The following SUMF1 variants were observed in gnomAD, a reference collection of about 807,000 sequenced individuals.
SUMF1 encodes sulfatase modifying factor 1.
A neutral mutation model predicts 47.6 loss-of-function variants in SUMF1; 48 were observed. The observed-to-expected ratio is 1.01, with a 90% CI of 0.80 to 1.28. The LOEUF is 1.28. Ranked by LOEUF, SUMF1 falls within the 50% of genes most tolerant of loss-of-function variation. The pLI, the probability that SUMF1 is intolerant of heterozygous loss-of-function variation, is 0.00. For missense variants in SUMF1, 571 were observed against 485.4 expected, an observed-to-expected ratio of 1.18 and a Z score of -1.66; for synonymous variants, 230 against 192.1, an observed-to-expected ratio of 1.20 and a Z score of -1.63.
At chr3:4,344,878 G>A (rs557021760) in intron 8 of SUMF1, among the ~76,000 whole-genome samples, 13 of 152,132 alleles carry the variant, frequency 8.5e-5, no homozygotes, top group Non-Finnish European at 1.8e-4. Flanking sequence ...CAAGTACTTC[G>A]TGAAGCATAC....
At chr3:4,144,662 C>T (rs1181399520) in intron 8 of SUMF1, among the ~76,000 whole-genome samples, 1 of 152,072 alleles carries the variant, frequency 6.6e-6, no homozygotes. Flanking sequence ...CACAAATAAC[C>T]TGCTTTTTTC....
At position 4,410,700 on chromosome 3, in the gene SUMF1, G is replaced by T. The variant is rs377387920; in HGVS notation, c.954+165C>A. Among the ~76,000 whole-genome samples the T allele has an allele frequency of 8.7e-4, 133 of 152,318 alleles. 1 individual carries two copies. The highest frequency in any genetic ancestry group is 3.1e-3 in the African/African-American group (127 of 41,564). On this transcript the variant is annotated intron_variant, in intron 7 of 8. Coordinates refer to ENST00000272902, the MANE Select transcript of SUMF1 (RefSeq NM_182760.4). ...CACAGACATTTTTACAAAATGCTCT[G>T]AGGTTGAAATAAGAAACATGCGCTT...
intron 8 of SUMF1, among the ~76,000 whole-genome samples, chr3:4,212,584 T>C (rs73120052): frequency 6.6e-6 from 1 of 152,162 alleles, no homozygotes; most frequent in South Asian, 2.1e-4. Flanking sequence ...AGAAGTAAGC[T>C]TTAGAAGGTG....
chr3:4,063,681 C>CCTTT lies in SUMF1; in HGVS notation c.1191+4884_1191+4887dup, dbSNP rs569197445. Among the ~76,000 whole-genome samples the CCTTT allele has an allele frequency of 1.4e-4, 22 of 152,226 alleles. No individual in the cohort carries two copies. The South Asian group carries it at 4.4e-3, about 30-fold the overall frequency. ...AAACTGATATCACCAATAAAAGTCTCCTTTCTACTATTTAGCCATCCTGGT... is the reference window on the plus strand; with the variant it reads ...AAACTGATATCACCAATAAAAGTCTCCTTTCTTTCTACTATTTAGCCATCCTGGT... On this transcript the variant is annotated intron_variant and NMD_transcript_variant, in intron 9 of 12. Coordinates refer to the SUMF1 transcript ENST00000448413.
chr3:4,360,614 T>G (rs1021692907), downstream of SUMF1, among the ~76,000 whole-genome samples: 1 of 152,120 alleles, frequency 6.6e-6, no homozygotes, highest in African/African-American at 2.4e-5. Flanking sequence ...GTTACAGGTG[T>G]GAGCCACTGG....
intron 8 of SUMF1, among the ~76,000 whole-genome samples, chr3:4,287,488 G>A (rs910813122): frequency 1.3e-5 from 2 of 151,612 alleles, no homozygotes; most frequent in Non-Finnish European, 2.9e-5. Context: ...TCTAACTTTG[G>A]AATCAGATTG....
intron 8 of SUMF1, among the ~76,000 whole-genome samples, chr3:4,207,265 C>T (rs922048944): frequency 6.6e-6 from 1 of 152,036 alleles, no homozygotes; most frequent in Admixed American, 6.6e-5. Flanking sequence ...CAAATCATAT[C>T]GTCCATGAAT....
chr3:4,075,387 C>T (rs989133647), intron 8 of SUMF1, among the ~76,000 whole-genome samples: 6 of 151,916 alleles, frequency 3.9e-5, no homozygotes, highest in Admixed American at 3.3e-4. Context: ...AATATCACAC[C>T]AAATGGGCAA....
intron 8 of SUMF1, among the ~76,000 whole-genome samples, chr3:4,258,997 G>T (rs1260214709): frequency 6.7e-6 from 1 of 149,302 alleles, no homozygotes; most frequent in Non-Finnish European, 1.5e-5. Flanking sequence ...ATCATTCTCA[G>T]TAAACTATCG....
chr3:4,401,134 G>C (rs934286257), intron 7 of SUMF1, among the ~76,000 whole-genome samples: 2 of 151,964 alleles, frequency 1.3e-5, no homozygotes, highest in African/African-American at 4.8e-5. Context: ...TCCCTACAAA[G>C]GACATGAACT....
At chr3:4,169,080 G>C (rs1694774277) in intron 8 of SUMF1, among the ~76,000 whole-genome samples, 1 of 152,144 alleles carries the variant, frequency 6.6e-6, no homozygotes, top group African/African-American at 2.4e-5. Context: ...TTTTCCTGAA[G>C]TAAGGCAAAG....
chr3:4,073,809 C>T (rs1415330339), intron 8 of SUMF1, among the ~76,000 whole-genome samples: 8 of 152,100 alleles, frequency 5.3e-5, no homozygotes, highest in Admixed American at 3.9e-4. Flanking sequence ...TATACATGCA[C>T]CCAATACAGG....
intron 9 of SUMF1, among the ~76,000 whole-genome samples, chr3:4,040,380 T>G (rs1021741870): frequency 6.6e-6 from 1 of 152,166 alleles, no homozygotes; most frequent in Non-Finnish European, 1.5e-5. Flanking sequence ...CTTCATAATT[T>G]ATTCTTCCCC....
intron 8 of SUMF1, among the ~76,000 whole-genome samples, chr3:4,177,285 G>A (rs1314182559): frequency 6.6e-6 from 1 of 151,990 alleles, no homozygotes; most frequent in Non-Finnish European, 1.5e-5. Context: ...CCACATAATT[G>A]GAAGTAAAGC....
intron 8 of SUMF1, among the ~76,000 whole-genome samples, chr3:4,081,479 A>G (rs1299014229): frequency 6.6e-6 from 1 of 152,112 alleles, no homozygotes; most frequent in East Asian, 1.9e-4. Flanking sequence ...TTATACACCT[A>G]ACTTCTTTTA....
chr3:4,191,400 G>T (rs1695312071), intron 8 of SUMF1, among the ~76,000 whole-genome samples: 1 of 152,104 alleles, frequency 6.6e-6, no homozygotes, highest in African/African-American at 2.4e-5. Flanking sequence ...GGTACCAAAT[G>T]AAGAAGTAAA....
intron 8 of SUMF1, among the ~76,000 whole-genome samples, chr3:4,264,734 C>T (rs1403212542): frequency 2.0e-5 from 3 of 152,108 alleles, no homozygotes; most frequent in Admixed American, 1.3e-4. Flanking sequence ...GGAGGATAGC[C>T]TGGACTCTCT....
At chr3:4,247,719 A>G (rs2125004930) in intron 8 of SUMF1, among the ~76,000 whole-genome samples, 1 of 152,302 alleles carries the variant, frequency 6.6e-6, no homozygotes, top group African/African-American at 2.4e-5. Context: ...TGAGAACCCA[A>G]GGAAGAATAG....
At chr3:4,136,606 C>A (rs553403057) in intron 8 of SUMF1, among the ~76,000 whole-genome samples, 15 of 151,872 alleles carry the variant, frequency 9.9e-5, no homozygotes, top group African/African-American at 1.7e-4. Context: ...GCAACAAAAG[C>A]CAAAATTGAC....
Sources: gnomAD v4.1 joint callset for allele counts (sites outside exome capture counted in the v4.1 genomes callset) on GRCh38, gnomAD v4.1.1 for gene constraint, MANE v1.5 for transcripts, NCBI Gene and HGNC (gene_info 2026-07-23, HGNC 2026-07-21) for gene names.